Variants in CASD1 observed in about 807,000 individuals in gnomAD.
CASD1 encodes the protein CAS1 domain sialic acid O acetyltransferase 1.
CASD1 carries 41 observed loss-of-function variants against 100.0 expected under a neutral mutation model. The observed-to-expected ratio is 0.41, with a 90% CI of 0.32 to 0.53. The LOEUF is 0.53. CASD1 is among the 20% of genes least tolerant of loss of function. The pLI, the probability that CASD1 is intolerant of heterozygous loss-of-function variation, is 0.25. For missense variants in CASD1, 774 were observed against 948.7 expected (o/e 0.82, Z 2.42); for synonymous variants, 321 against 315.6 (o/e 1.02, Z -0.18).
intron 1 of CASD1, among the ~76,000 whole-genome samples, chr7:94,510,597 CG>C (rs1246015819): frequency 6.6e-6 from 1 of 152,216 alleles, no homozygotes; most frequent in Non-Finnish European, 1.5e-5. Flanking sequence ...GGGGGCAGCC[CG>C]GGGCGCATGA....
chr7:94,569,971 G>C, the CASD1 span, among the ~76,000 whole-genome samples: 2 of 151,788 alleles, frequency 1.3e-5, no homozygotes, highest in African/African-American at 4.8e-5. Context: ...CCGCCACCAT[G>C]CCCAGCTAAT....
At chr7:94,528,746 G>A (rs1006255570) in intron 5 of CASD1, among the ~76,000 whole-genome samples, 4 of 152,090 alleles carry the variant, frequency 2.6e-5, no homozygotes, top group Admixed American at 2.0e-4. Context: ...GTAAAGGTAA[G>A]CATGCTATTA....
At chr7:94,623,703 T>C in the CASD1 span, 3 of 413,980 alleles carry the variant, frequency 7.2e-6, no homozygotes, top group African/African-American at 6.2e-5. Flanking sequence ...GGATTAACCA[T>C]TATGAATTAC....
the CASD1 span, among the ~76,000 whole-genome samples, chr7:94,581,233 C>A: frequency 6.6e-6 from 1 of 152,184 alleles, no homozygotes; most frequent in African/African-American, 2.4e-5. Flanking sequence ...AGTCTCTTCC[C>A]AGGAAAGTGG....
the CASD1 span, chr7:94,598,962 T>G: frequency 6.2e-7 from 1 of 1,612,590 alleles, no homozygotes; most frequent in Admixed American, 1.7e-5. Flanking sequence ...ACCAGTTGGA[T>G]GCTAGGTCAA....
chr7:94,588,183 G>T, the CASD1 span: 22 of 1,081,694 alleles, frequency 2.0e-5, no homozygotes, highest in Non-Finnish European at 2.4e-5. Flanking sequence ...AATCCAAGGA[G>T]AATTGTCCGC....
chr7:94,569,859 G>A, the CASD1 span, among the ~76,000 whole-genome samples: 2 of 150,756 alleles, frequency 1.3e-5, no homozygotes, highest in Non-Finnish European at 2.9e-5. Context: ...TGTCACCCAG[G>A]CTGGAGTGCA....
intron 10 of CASD1, among the ~76,000 whole-genome samples, chr7:94,540,089 G>C (rs4412302): frequency 6.6e-6 from 1 of 152,168 alleles, no homozygotes; most frequent in African/African-American, 2.4e-5. Flanking sequence ...GGCAGGGCTA[G>C]AAAAAAATGT....
intron 1 of CASD1, among the ~76,000 whole-genome samples, chr7:94,515,415 GTT>G (rs33945937): frequency 0.44 from 64,034 of 146,520 alleles, 14,202 homozygotes; most frequent in South Asian, 0.52. Context: ...TTTTGCTATG[GTT>G]TTTTTTTTTT....
chr7:94,618,618 T>C, the CASD1 span: 1 of 668,012 alleles, frequency 1.5e-6, no homozygotes, highest in Non-Finnish European at 2.5e-6. Flanking sequence ...AGAAAATTAC[T>C]AGTATGTTCA....
chr7:94,599,698 C>G, the CASD1 span: 2 of 1,609,708 alleles, frequency 1.2e-6, no homozygotes, highest in African/African-American at 1.3e-5. Context: ...GACACTTACT[C>G]TGGTGTTTGC....
chr7:94,572,492 C>A, the CASD1 span, among the ~76,000 whole-genome samples: 1 of 152,102 alleles, frequency 6.6e-6, no homozygotes, highest in Non-Finnish European at 1.5e-5. Context: ...TGATATTGAA[C>A]TTTTCTTCAT....
chr7:94,535,550 G>A, intron 8 of CASD1, 27 bp downstream of exon 8: 2 of 1,481,154 alleles, frequency 1.4e-6, no homozygotes, highest in Non-Finnish European at 1.9e-6. Flanking sequence ...TATGTCAGTA[G>A]ATGGAGACTA....
chr7:94,550,468 G>A (rs983701643), intron 14 of CASD1, among the ~76,000 whole-genome samples: 3 of 151,996 alleles, frequency 2.0e-5, no homozygotes, highest in East Asian at 1.9e-4. Flanking sequence ...ATTATGATAC[G>A]ACTGTCCCAG....
intron 3 of CASD1, among the ~76,000 whole-genome samples, chr7:94,526,619 C>T (rs567483070): frequency 4.6e-5 from 7 of 152,202 alleles, no homozygotes; most frequent in Admixed American, 1.3e-4. Context: ...AAAACCCCGT[C>T]GCTACAAAAA....
chr7:94,602,024 A>G, the CASD1 span, among the ~76,000 whole-genome samples: 1 of 152,202 alleles, frequency 6.6e-6, no homozygotes, highest in African/African-American at 2.4e-5. Context: ...ACAGATAAAC[A>G]AAAATCTTCA....
chr7:94,516,063 A>G (rs1349662768), intron 1 of CASD1, among the ~76,000 whole-genome samples: 1 of 151,998 alleles, frequency 6.6e-6, no homozygotes, highest in African/African-American at 2.4e-5. Flanking sequence ...GTTTTTTAGA[A>G]CTAGAATTAG....
downstream of CASD1, among the ~76,000 whole-genome samples, chr7:94,557,796 TA>T (rs2116450741): frequency 6.6e-6 from 1 of 151,998 alleles, no homozygotes; most frequent in South Asian, 2.1e-4. Flanking sequence ...TATTTGTAGT[TA>T]AAAATATTTT....
chr7:94,603,466 A>C, the CASD1 span: 1 of 1,611,552 alleles, frequency 6.2e-7, no homozygotes, highest in Non-Finnish European at 8.5e-7. Context: ...TAAAAATGTG[A>C]AACTCTCAGG....
Sources: allele counts gnomAD v4.1 joint callset (sites outside exome capture counted in the v4.1 genomes callset), GRCh38; gene constraint gnomAD v4.1.1; transcripts MANE v1.5; gene names NCBI Gene and HGNC (gene_info 2026-07-23, HGNC 2026-07-21).